The following CUL1 variants were observed in gnomAD, a reference collection of about 807,000 sequenced individuals.
CUL1 encodes cullin 1.
CUL1 carries 24 observed loss-of-function variants against 118.0 expected under a neutral mutation model. The observed-to-expected ratio is 0.20, with a 90% CI of 0.15 to 0.29. The LOEUF (loss-of-function observed/expected upper bound fraction) is 0.29. Among genes scored for constraint, CUL1 ranks in the 10% least tolerant of loss-of-function variants. The pLI is 1.00. For missense variants in CUL1, 361 were observed against 933.8 expected, an observed-to-expected ratio of 0.39 and a Z score of 7.99; for synonymous variants, 332 against 340.4, an observed-to-expected ratio of 0.98 and a Z score of 0.27.
intron 2 of CUL1, among the ~76,000 whole-genome samples, chr7:148,753,570 GA>G (rs1390373267): frequency 6.6e-6 from 1 of 152,218 alleles, no homozygotes; most frequent in African/African-American, 2.4e-5. Flanking sequence ...CTGTGCCTCT[GA>G]AAAAGTTACA....
chr7:148,723,704 A>G (rs1362048154), intron 1 of CUL1, among the ~76,000 whole-genome samples: 1 of 151,502 alleles, frequency 6.6e-6, no homozygotes, highest in South Asian at 2.1e-4. Context: ...GAAGTGAGGT[A>G]TATCATTTTT....
chr7:148,758,022 T>C lies in CUL1; in HGVS notation c.483+872T>C, dbSNP rs569848741. On this transcript the variant is annotated intron_variant, in intron 4 of 21. Coordinates refer to ENST00000325222, the MANE Select transcript of CUL1 (RefSeq NM_003592.3). ...GGGGACATAGCCAAACCATATCAGG[T>C]CCCCAAACCTGCTCTGTCAGCATCA... Among the ~76,000 whole-genome samples, 743 of 152,178 alleles carry C rather than the reference T, an allele frequency of 4.9e-3. 10 individuals are homozygous for C. The highest frequency in any genetic ancestry group is 0.017 in the African/African-American group (725 of 41,518).
At chr7:148,715,631 T>G (rs1028035850) in intron 1 of CUL1, among the ~76,000 whole-genome samples, 4 of 152,200 alleles carry the variant, frequency 2.6e-5, no homozygotes, top group African/African-American at 7.2e-5. Context: ...TCCTCATCTC[T>G]ATTAAGTTCT....
At chr7:148,777,024 C>T (rs1800424606) in intron 9 of CUL1, among the ~76,000 whole-genome samples, 1 of 152,222 alleles carries the variant, frequency 6.6e-6, no homozygotes, top group Non-Finnish European at 1.5e-5. Flanking sequence ...TGTAAACACT[C>T]AGCCCCTAAA....
chr7:148,703,402 A>G (rs1199520339), intron 1 of CUL1, among the ~76,000 whole-genome samples: 1 of 152,232 alleles, frequency 6.6e-6, no homozygotes, highest in South Asian at 2.1e-4. Flanking sequence ...AGACTGTTCA[A>G]ATATAACAAG....
At chr7:148,710,252 G>T (rs889334110) in intron 1 of CUL1, among the ~76,000 whole-genome samples, 2 of 152,026 alleles carry the variant, frequency 1.3e-5, no homozygotes, top group Admixed American at 6.5e-5. Flanking sequence ...ACAAAGAAAG[G>T]TGCATCTTGA....
intron 2 of CUL1, among the ~76,000 whole-genome samples, chr7:148,730,815 T>A (rs1355767762): frequency 6.6e-6 from 1 of 152,132 alleles, no homozygotes; most frequent in Non-Finnish European, 1.5e-5. Flanking sequence ...TATGGCCCTA[T>A]TTTTTTGTGT....
chr7:148,799,248 C>G, intron 20 of CUL1, 27 bp from the exon 21 acceptor site: 2 of 1,567,256 alleles, frequency 1.3e-6, no homozygotes, highest in Non-Finnish European at 1.8e-6. Context: ...TCTAAATGCA[C>G]TTCTTTTTCC....
intron 1 of CUL1, among the ~76,000 whole-genome samples, chr7:148,708,850 G>A (rs540405683): frequency 6.6e-6 from 1 of 152,288 alleles, no homozygotes; most frequent in South Asian, 2.1e-4. Flanking sequence ...ACCAATTTGC[G>A]GAAGTTGTGT....
At chr7:148,753,951 T>C (rs1297481414) in intron 2 of CUL1, 25 bp from the exon 3 acceptor site, 1 of 1,553,872 alleles carries the variant, frequency 6.4e-7, no homozygotes, top group Non-Finnish European at 8.7e-7. Context: ...GTGATATATG[T>C]TGGTTTCCTT....
At chr7:148,726,845 A>G (rs183701021) in intron 1 of CUL1, among the ~76,000 whole-genome samples, 3 of 151,170 alleles carry the variant, frequency 2.0e-5, no homozygotes, top group Admixed American at 1.3e-4. Flanking sequence ...AAAAAAAAAA[A>G]AAAAATTTTT....
chr7:148,739,607 T>G (rs956617343), intron 2 of CUL1, among the ~76,000 whole-genome samples: 2 of 152,234 alleles, frequency 1.3e-5, no homozygotes, highest in African/African-American at 4.8e-5. Flanking sequence ...TTGTTAGTTT[T>G]AGTTCTTTAT....
chr7:148,732,577 C>G (rs1798799135), intron 2 of CUL1, among the ~76,000 whole-genome samples: 1 of 151,722 alleles, frequency 6.6e-6, no homozygotes, highest in African/African-American at 2.4e-5. Flanking sequence ...TGGGCTCAAG[C>G]ATTCCGCCTG....
chr7:148,781,210 A>G (rs553051273), intron 9 of CUL1, among the ~76,000 whole-genome samples: 20 of 148,452 alleles, frequency 1.3e-4, no homozygotes, highest in African/African-American at 4.7e-4. Flanking sequence ...CCTCCCGAGT[A>G]GCTGGGATTA....
At chr7:148,768,798 AT>A (rs531550030) in intron 9 of CUL1, among the ~76,000 whole-genome samples, 3 of 152,036 alleles carry the variant, frequency 2.0e-5, no homozygotes, top group Non-Finnish European at 4.4e-5. Flanking sequence ...CAAAAATAGT[AT>A]TTTTTTAATC....
At chr7:148,730,466 C>T (rs563148010) in intron 2 of CUL1, among the ~76,000 whole-genome samples, 90 of 152,284 alleles carry the variant, frequency 5.9e-4, no homozygotes, top group South Asian at 5.8e-3. Flanking sequence ...AGTACAGTCA[C>T]CACTGGGCAC....
At chr7:148,710,859 G>A (rs1475549733) in intron 1 of CUL1, among the ~76,000 whole-genome samples, 1 of 151,948 alleles carries the variant, frequency 6.6e-6, no homozygotes, top group African/African-American at 2.4e-5. Context: ...AGTAGGGACG[G>A]GTTTCACCAT....
In CUL1 at chr7:148,707,538, C is replaced by G. The variant is rs1466525408; in HGVS notation, c.-162+8509C>G. Among the ~76,000 whole-genome samples, 8 of 151,778 alleles carry G rather than the reference C, an allele frequency of 5.3e-5. No homozygotes were observed. The East Asian group carries it at 1.6e-3, about 30-fold the overall frequency. Reference sequence around the variant, plus strand: ...TTTAAGTTTCAGGGTACCACAGGTTCGTTACATAGGTAAACGTGTGCCATG... The same window carrying G: ...TTTAAGTTTCAGGGTACCACAGGTTGGTTACATAGGTAAACGTGTGCCATG... On this transcript the variant is annotated intron_variant, in intron 1 of 21. Transcript: ENST00000325222.
intron 1 of CUL1, among the ~76,000 whole-genome samples, chr7:148,714,492 C>A (rs1478601583): frequency 6.6e-6 from 1 of 152,174 alleles, no homozygotes; most frequent in African/African-American, 2.4e-5. Context: ...TCCCCATCCC[C>A]CTCCTTGGTG....
Sources: gnomAD v4.1 joint callset for allele counts (sites outside exome capture counted in the v4.1 genomes callset) on GRCh38, gnomAD v4.1.1 for gene constraint, MANE v1.5 for transcripts, NCBI Gene and HGNC (gene_info 2026-07-23, HGNC 2026-07-21) for gene names.